RALYL: variants seen among roughly 807,000 people sequenced by gnomAD.
The protein encoded by RALYL is RNA-binding Raly-like protein.
In RALYL, 29 loss-of-function variants were observed where a neutral mutation model predicts 35.1. That is an observed-to-expected ratio of 0.83 (90% CI 0.61 to 1.13). RALYL has a LOEUF of 1.13. RALYL is among the 50% of genes most tolerant of loss of function. The pLI is 0.00. For missense variants in RALYL, 359 were observed against 360.4 expected (o/e 1.00, Z 0.03); for synonymous variants, 120 against 127.6 (o/e 0.94, Z 0.40).
chr8:84,687,989 T>G (rs1205163451), intron 2 of RALYL, among the ~76,000 whole-genome samples: 2 of 152,116 alleles, frequency 1.3e-5, no homozygotes, highest in Non-Finnish European at 2.9e-5. Flanking sequence ...AATCAGTTAA[T>G]TCTACTCTTT....
At chr8:84,586,324 T>C (rs748790670) in intron 2 of RALYL, among the ~76,000 whole-genome samples, 62 of 152,194 alleles carry the variant, frequency 4.1e-4, no homozygotes, top group Non-Finnish European at 6.8e-4. Context: ...TTAGCAGATA[T>C]TTGGTTTCAA....
intron 4 of RALYL, among the ~76,000 whole-genome samples, chr8:84,831,554 T>A (rs1830927841): frequency 6.6e-6 from 1 of 152,178 alleles, no homozygotes; most frequent in African/African-American, 2.4e-5. Flanking sequence ...AAATATTTAG[T>A]CATGTTCTTT....
At chr8:84,614,082 A>G (rs1277762322) in intron 2 of RALYL, among the ~76,000 whole-genome samples, 1 of 151,432 alleles carries the variant, frequency 6.6e-6, no homozygotes, top group East Asian at 1.9e-4. Flanking sequence ...GGGATCCACT[A>G]ATAGTACCTA....
intron 1 of RALYL, among the ~76,000 whole-genome samples, chr8:84,208,325 G>A (rs1247412776): frequency 6.6e-6 from 1 of 151,948 alleles, no homozygotes; most frequent in Non-Finnish European, 1.5e-5. Context: ...ATTTTTCTTT[G>A]TGTCTAAGTA....
At chr8:84,272,196 G>A (rs1256821873) in intron 1 of RALYL, among the ~76,000 whole-genome samples, 2 of 151,974 alleles carry the variant, frequency 1.3e-5, no homozygotes, top group Non-Finnish European at 2.9e-5. Flanking sequence ...AGGTTCAAGC[G>A]ATTCTCCTGC....
intron 3 of RALYL, among the ~76,000 whole-genome samples, chr8:84,780,919 C>G (rs564400925): frequency 6.6e-6 from 1 of 152,230 alleles, no homozygotes; most frequent in Non-Finnish European, 1.5e-5. Context: ...GAACAGTGGG[C>G]GTGATCTCAG....
At chr8:84,816,655 G>T (rs1290639848) in intron 4 of RALYL, among the ~76,000 whole-genome samples, 1 of 151,954 alleles carries the variant, frequency 6.6e-6, no homozygotes, top group East Asian at 1.9e-4. Context: ...ATGGTTAATG[G>T]ATACAAAAAA....
chr8:84,358,268 A>G (rs1288380362), intron 1 of RALYL, among the ~76,000 whole-genome samples: 4 of 152,048 alleles, frequency 2.6e-5, no homozygotes, highest in Admixed American at 2.6e-4. Flanking sequence ...AAATTAATTT[A>G]ATAATAAACA....
rs151322159 is a variant in RALYL at position 84,331,338 on chromosome 8, T to C, written c.-24+146914T>C. On this transcript the variant is annotated intron_variant, in intron 1 of 8. Transcript: ENST00000521268. ...TGTGTGTCTGAGTCACAGAGAAGTA[T>C]AAGGCTCATCTTATGTTGTACAATT... Among the ~76,000 whole-genome samples the C allele has an allele frequency of 1.2e-4, 18 of 152,256 alleles. No individual in the cohort carries two copies. In the East Asian group the frequency reaches 3.5e-3, roughly 29 times the overall value.
intron 1 of RALYL, among the ~76,000 whole-genome samples, chr8:84,514,661 C>T (rs750491462): frequency 5.3e-5 from 8 of 152,304 alleles, no homozygotes; most frequent in Non-Finnish European, 1.0e-4. Context: ...CCTGTTAATA[C>T]TACCACATAC....
At chr8:84,271,392 G>A (rs1289666359) in intron 1 of RALYL, among the ~76,000 whole-genome samples, 2 of 150,552 alleles carry the variant, frequency 1.3e-5, no homozygotes, top group Non-Finnish European at 3.0e-5. Flanking sequence ...AAGTATAGGT[G>A]AGTATGTGGG....
intron 1 of RALYL, among the ~76,000 whole-genome samples, chr8:84,484,504 A>G (rs2054394535): frequency 6.6e-6 from 1 of 152,074 alleles, no homozygotes; most frequent in Non-Finnish European, 1.5e-5. Flanking sequence ...CAAAAGCAGG[A>G]AGGTGTGAAA....
At chr8:84,261,449 C>A (rs1586618359) in intron 1 of RALYL, among the ~76,000 whole-genome samples, 1 of 152,240 alleles carries the variant, frequency 6.6e-6, no homozygotes, top group South Asian at 2.1e-4. Flanking sequence ...TTTTGCACTG[C>A]ACTTCTCCTT....
At chr8:84,597,694 A>G (rs780906487) in intron 2 of RALYL, among the ~76,000 whole-genome samples, 8 of 152,198 alleles carry the variant, frequency 5.3e-5, no homozygotes, top group Non-Finnish European at 7.3e-5. Flanking sequence ...TCAAAAATCA[A>G]AGAGGAATAA....
intron 4 of RALYL, among the ~76,000 whole-genome samples, chr8:84,820,825 G>T (rs1057267519): frequency 5.3e-5 from 8 of 152,064 alleles, no homozygotes; most frequent in Admixed American, 3.3e-4. Flanking sequence ...CATATAGTCA[G>T]ACTGTTGAAA....
intron 2 of RALYL, among the ~76,000 whole-genome samples, chr8:84,655,249 A>T (rs1346417882): frequency 6.6e-6 from 1 of 151,676 alleles, no homozygotes; most frequent in East Asian, 1.9e-4. Context: ...CTTTTGAGAA[A>T]TGTCTATTCA....
At position 84,212,395 on chromosome 8, in the gene RALYL, C is replaced by T. The variant is rs138854604; in HGVS notation, c.-24+27971C>T. ...TTAATAGTTGATACCGTCCTCATGA[C>T]GCCTTCATTTTTTTTCTGGGGAGAT... On this transcript the variant is annotated intron_variant, in intron 1 of 8. Coordinates refer to ENST00000521268, the MANE Select transcript of RALYL (RefSeq NM_173848.7). 6.7e-3 allele frequency among the ~76,000 whole-genome samples: 1,021 copies of T among 152,154 alleles called. 3 individuals carry two copies. Among genetic ancestry groups the T allele is most frequent in the African/African-American group, 0.023 (935 of 41,518 alleles).
rs772217937 is a variant in RALYL at position 84,887,630 on chromosome 8, A to G, written c.712A>G (p.Ser238Gly). The G allele has an allele frequency of 3.7e-6, 6 of 1,603,620 alleles. No individual in the cohort carries two copies. The highest frequency in any genetic ancestry group is 5.1e-6 in the Non-Finnish European group (6 of 1,174,750). ...AGCTCAGAAGAAGCAATTGGAAGAG[A>G]GTCTAGTGCTGATCCAAGAGGAATG... is the stretch of plus-strand genomic sequence containing the variant. Reference protein sequence around the residue: ...AEAQKKQLEESLVLIQEECVS... With the variant: ...AEAQKKQLEEGLVLIQEECVS... Residue 238 changes from serine to glycine, a missense_variant, in exon 8 of 9, where the codon AGT becomes GGT. Transcript: ENST00000521268.
At chr8:84,494,031 T>C (rs1009792496) in intron 1 of RALYL, among the ~76,000 whole-genome samples, 1 of 152,178 alleles carries the variant, frequency 6.6e-6, no homozygotes, top group Non-Finnish European at 1.5e-5. Flanking sequence ...GTTTTTATGG[T>C]TTTGGGTTTT....
Sources: gnomAD v4.1 joint callset for allele counts (sites outside exome capture counted in the v4.1 genomes callset) on GRCh38, gnomAD v4.1.1 for gene constraint, MANE v1.5 for transcripts, NCBI Gene and HGNC (gene_info 2026-07-23, HGNC 2026-07-21) for gene names.